The following PCGF6 variants were observed in gnomAD, a reference collection of about 807,000 sequenced individuals.
PCGF6 encodes polycomb group RING finger protein 6.
Under a neutral mutation model 45.5 loss-of-function variants are expected in PCGF6, and 24 were observed. The ratio of observed to expected loss-of-function variants is 0.53; its 90% CI spans 0.38 to 0.74. PCGF6 has a LOEUF of 0.74. PCGF6 is among the 30% of genes least tolerant of loss of function. The pLI is 0.00. For synonymous variants in PCGF6, 152 were observed against 162.1 expected (o/e 0.94, Z 0.47); for missense variants, 356 against 443.2 (o/e 0.80, Z 1.77).
chr10:103,335,013 T>C (rs1345053587), intron 6 of PCGF6, among the ~76,000 whole-genome samples: 1 of 152,160 alleles, frequency 6.6e-6, no homozygotes, highest in Non-Finnish European at 1.5e-5. Context: ...TTGTGAAGAT[T>C]AGACAAGTTC....
intron 7 of PCGF6, among the ~76,000 whole-genome samples, chr10:103,330,574 A>G (rs1195072745): frequency 1.3e-5 from 2 of 152,196 alleles, no homozygotes; most frequent in Non-Finnish European, 2.9e-5. Flanking sequence ...GGATTTTAGT[A>G]TATCTACAAA....
chr10:103,307,720 G>C (rs963908697), intron 9 of PCGF6, among the ~76,000 whole-genome samples: 1 of 151,994 alleles, frequency 6.6e-6, no homozygotes, highest in Non-Finnish European at 1.5e-5. Flanking sequence ...TGACCCTCCC[G>C]CCTCGGCCTC....
intron 9 of PCGF6, 138 bp from the exon 10 acceptor site, chr10:103,304,099 C>T (rs893663043): frequency 3.0e-6 from 2 of 662,264 alleles, no homozygotes; most frequent in Admixed American, 2.9e-5. Flanking sequence ...AATAAGTGGA[C>T]CATATAGTTT....
At chr10:103,306,679 G>A (rs2093139421) in intron 9 of PCGF6, among the ~76,000 whole-genome samples, 1 of 152,150 alleles carries the variant, frequency 6.6e-6, no homozygotes, top group Admixed American at 6.6e-5. Flanking sequence ...CTAGAAAAAG[G>A]TTCACAAATT....
At chr10:103,316,013 TAGAGAGAG>T (rs5787488) in intron 8 of PCGF6, among the ~76,000 whole-genome samples, 54 of 119,522 alleles carry the variant, frequency 4.5e-4, no homozygotes, top group African/African-American at 1.1e-3. Flanking sequence ...TATATATATA[TAGAGAGAG>T]AGAGAGAGAG....
intron 9 of PCGF6, among the ~76,000 whole-genome samples, chr10:103,310,016 A>G (rs1467832153): frequency 6.6e-6 from 1 of 151,218 alleles, no homozygotes; most frequent in East Asian, 1.9e-4. Flanking sequence ...CAATGGTGCA[A>G]TTTCAGCTCA....
chr10:103,305,898 A>T (rs575186395), intron 9 of PCGF6, among the ~76,000 whole-genome samples: 15 of 136,806 alleles, frequency 1.1e-4, no homozygotes, highest in South Asian at 4.6e-4. Context: ...TATATAATTT[A>T]AAAAAAAAAA....
At chr10:103,325,525 G>A (rs1482794894) in intron 8 of PCGF6, among the ~76,000 whole-genome samples, 2 of 152,166 alleles carry the variant, frequency 1.3e-5, no homozygotes, top group Non-Finnish European at 2.9e-5. Context: ...TGGGATTACA[G>A]GCATGAGCCA....
At chr10:103,316,244 C>T (rs2093175967) in intron 8 of PCGF6, among the ~76,000 whole-genome samples, 1 of 152,026 alleles carries the variant, frequency 6.6e-6, no homozygotes, top group Non-Finnish European at 1.5e-5. Flanking sequence ...AACTACTGCC[C>T]ATAGACTTAA....
At chr10:103,306,153 A>C (rs2093137694) in intron 9 of PCGF6, among the ~76,000 whole-genome samples, 1 of 150,310 alleles carries the variant, frequency 6.7e-6, no homozygotes, top group Admixed American at 6.7e-5. Flanking sequence ...GTTGGAGTGC[A>C]ATGGTGCCAT....
At chr10:103,316,214 G>C (rs2093175853) in intron 8 of PCGF6, among the ~76,000 whole-genome samples, 1 of 151,744 alleles carries the variant, frequency 6.6e-6, no homozygotes, top group East Asian at 1.9e-4. Flanking sequence ...CCTATCTCTT[G>C]AATTCATATC....
intron 3 of PCGF6, 40 bp downstream of exon 3, chr10:103,348,676 T>C (rs750783063): frequency 2.9e-6 from 4 of 1,367,610 alleles, no homozygotes; most frequent in Admixed American, 2.2e-5. Context: ...TCAGAAAAAG[T>C]ATATTTAAAA....
chr10:103,346,654 G>T (rs1483210182), intron 5 of PCGF6, among the ~76,000 whole-genome samples: 1 of 152,060 alleles, frequency 6.6e-6, no homozygotes, highest in Admixed American at 6.6e-5. Flanking sequence ...AATTAGCCAG[G>T]TGTGGTGGCG....
At chr10:103,341,463 G>C (rs2093280554) in intron 6 of PCGF6, among the ~76,000 whole-genome samples, 1 of 151,804 alleles carries the variant, frequency 6.6e-6, no homozygotes, top group Admixed American at 6.6e-5. Flanking sequence ...TTTCGAGACG[G>C]AGTTTGGCCC....
intron 9 of PCGF6, among the ~76,000 whole-genome samples, chr10:103,307,134 AT>A (rs979463995): frequency 1.3e-5 from 2 of 150,954 alleles, no homozygotes; most frequent in South Asian, 2.1e-4. Context: ...AAATAAAAAA[AT>A]AAAAAAATTT....
intron 8 of PCGF6, among the ~76,000 whole-genome samples, chr10:103,319,398 G>A (rs780981518): frequency 2.6e-5 from 4 of 151,766 alleles, no homozygotes; most frequent in Non-Finnish European, 5.9e-5. Flanking sequence ...TGATGTGCCC[G>A]CCTCGGCCTC....
intron 9 of PCGF6, among the ~76,000 whole-genome samples, chr10:103,311,144 C>G (rs1156509584): frequency 6.6e-6 from 1 of 152,002 alleles, no homozygotes; most frequent in Non-Finnish European, 1.5e-5. Flanking sequence ...CCAAGAATCA[C>G]TTTTCTTTTC....
chr10:103,345,066 A>G lies in PCGF6; in HGVS notation c.740T>C (p.Ile247Thr), dbSNP rs1207018309. ...SKKVLESVFR[I>T]PPELDMSLLL... ...TAAAGACATATCAAGTTCAGGTGGA[A>G]TACGAAACACTGATTCTAGGACTTT... The change falls in exon 6 of 10, where the codon ATT (isoleucine) becomes ACT (threonine). Residue 247 changes from isoleucine (I) to threonine (T), a missense_variant. Transcript: ENST00000369847. 1 of 1,613,242 alleles carries G rather than the reference A, an allele frequency of 6.2e-7. No individual in the cohort carries two copies. Among genetic ancestry groups the G allele is most frequent in the South Asian group, 1.1e-5 (1 of 90,940 alleles).
intron 8 of PCGF6, among the ~76,000 whole-genome samples, chr10:103,321,811 A>C (rs890194290): frequency 3.3e-5 from 5 of 152,162 alleles, no homozygotes; most frequent in African/African-American, 1.2e-4. Context: ...ATGGTATGTT[A>C]ATTAGCTCAA....
Sources: allele counts gnomAD v4.1 joint callset (sites outside exome capture counted in the v4.1 genomes callset), GRCh38; gene constraint gnomAD v4.1.1; transcripts MANE v1.5; gene names NCBI Gene and HGNC (gene_info 2026-07-23, HGNC 2026-07-21).